KANSL2: variants seen among roughly 807,000 people sequenced by gnomAD.
The protein encoded by KANSL2 is KAT8 regulatory NSL complex subunit 2.
In KANSL2, 34 loss-of-function variants were observed where a neutral mutation model predicts 55.6. That is an observed-to-expected ratio of 0.61 (90% CI 0.46 to 0.81). KANSL2 has a LOEUF of 0.81. Among genes scored for constraint, KANSL2 ranks in the 40% least tolerant of loss-of-function variants. The pLI, the probability that KANSL2 is intolerant of heterozygous loss-of-function variation, is 0.00. For missense variants in KANSL2, 502 were observed against 609.9 expected, an observed-to-expected ratio of 0.82 and a Z score of 1.86; for synonymous variants, 209 against 214.3, an observed-to-expected ratio of 0.98 and a Z score of 0.22.
At chr12:48,663,036 C>T (rs1939517623) in intron 7 of KANSL2, among the ~76,000 whole-genome samples, 1 of 152,172 alleles carries the variant, frequency 6.6e-6, no homozygotes, top group Non-Finnish European at 1.5e-5. Context: ...ATGTCACTAT[C>T]ATTTTGCTGT....
chr12:48,681,750 A>G, intron 1 of KANSL2, 109 bp from the exon 2 acceptor site: 1 of 1,411,400 alleles, frequency 7.1e-7, no homozygotes, highest in Non-Finnish European at 9.9e-7. Flanking sequence ...CGTCCCCGTA[A>G]GGTACGCTCC....
chr12:48,655,251 C>T (rs1342618881), intron 8 of KANSL2, among the ~76,000 whole-genome samples, 191 bp from the exon 9 acceptor site: 1 of 152,018 alleles, frequency 6.6e-6, no homozygotes, highest in Non-Finnish European at 1.5e-5. Context: ...CTTTTGCTGC[C>T]AAGTGTAAAA....
intron 1 of KANSL2, 128 bp from the exon 2 acceptor site, chr12:48,681,769 C>T (rs1939930897): frequency 1.7e-6 from 2 of 1,156,902 alleles, no homozygotes; most frequent in Non-Finnish European, 2.5e-6. Flanking sequence ...CCGTAAGTCC[C>T]CGCCGCCCTC....
intron 7 of KANSL2, chr12:48,667,346 T>C (rs1939619778): frequency 3.3e-6 from 1 of 305,270 alleles, no homozygotes; most frequent in African/African-American, 2.2e-5. Context: ...AGGATCCTAA[T>C]AAGCAAGTTA....
intron 8 of KANSL2, among the ~76,000 whole-genome samples, chr12:48,657,704 C>A (rs1021040854): frequency 2.6e-5 from 4 of 152,108 alleles, no homozygotes; most frequent in African/African-American, 9.6e-5. Context: ...GCAACCTCCA[C>A]CTCCTGGGTT....
At position 48,660,484 on chromosome 12, in the gene KANSL2, A is replaced by T. The variant is rs750339885; in HGVS notation, c.1109T>A (p.Met370Lys). 1 of 1,613,770 alleles carries T rather than the reference A, an allele frequency of 6.2e-7. No individual in the cohort carries two copies. Among genetic ancestry groups the T allele is most frequent in the East Asian group, 2.2e-5 (1 of 44,886 alleles). The change falls in exon 8 of 10, where the codon ATG becomes AAG. Residue 370 changes from methionine (M) to lysine (K), a missense_variant. By Grantham distance (95) the Met-to-Lys change is moderately conservative. Coordinates refer to ENST00000420613, the MANE Select transcript of KANSL2 (RefSeq NM_017822.4). ...AGACAGTACCTGCTCGGGCTTATAC[A>T]TCTGAGGAGGCAACTGGAAATGCAG... The part of the protein sequence containing the change: ...CPLHFQLPPQ[M>K]YKPEQVLSVP...
intron 7 of KANSL2, among the ~76,000 whole-genome samples, chr12:48,661,486 C>T (rs1345166409): frequency 2.0e-5 from 3 of 152,156 alleles, no homozygotes; most frequent in Non-Finnish European, 2.9e-5. Context: ...AATCTGTTAA[C>T]TACCTGGTTA....
intron 8 of KANSL2, among the ~76,000 whole-genome samples, chr12:48,657,157 C>A (rs1199534647): frequency 2.6e-5 from 4 of 152,052 alleles, no homozygotes. Context: ...CCAAGGTGGG[C>A]GGATCATGAG....
At chr12:48,681,685 A>G in intron 1 of KANSL2, 44 bp from the exon 2 acceptor site, 1 of 1,612,582 alleles carries the variant, frequency 6.2e-7, no homozygotes, top group Non-Finnish European at 8.5e-7. Flanking sequence ...ACCCTTCCCG[A>G]AAATTCCTGC....
chr12:48,663,548 A>G (rs1489895788), intron 7 of KANSL2, among the ~76,000 whole-genome samples: 3 of 148,180 alleles, frequency 2.0e-5, no homozygotes, highest in Admixed American at 2.0e-4. Flanking sequence ...CCCACAGACA[A>G]TAACACTTCC....
chr12:48,659,687 A>G (rs1405375769), intron 8 of KANSL2, among the ~76,000 whole-genome samples: 1 of 152,194 alleles, frequency 6.6e-6, no homozygotes, highest in Non-Finnish European at 1.5e-5. Flanking sequence ...ACCGACAGAA[A>G]CTCTGTCTCA....
At chr12:48,661,291 AAG>A in intron 7 of KANSL2, 1 of 743,194 alleles carries the variant, frequency 1.3e-6, no homozygotes, top group Non-Finnish European at 1.6e-6. Context: ...TGAAAAAAAA[AAG>A]TATTCTAGAA....
chr12:48,668,143 T>C (rs1222399985), intron 6 of KANSL2, among the ~76,000 whole-genome samples: 3 of 152,144 alleles, frequency 2.0e-5, no homozygotes, highest in Non-Finnish European at 4.4e-5. Context: ...GAAAAACAAA[T>C]TTAAGAATGA....
At chr12:48,659,962 A>G (rs1160281191) in intron 8 of KANSL2, among the ~76,000 whole-genome samples, 1 of 152,240 alleles carries the variant, frequency 6.6e-6, no homozygotes, top group African/African-American at 2.4e-5. Context: ...GACAAAAAGT[A>G]GATTCATCGT....
At chr12:48,656,128 G>C (rs1046087558) in intron 8 of KANSL2, among the ~76,000 whole-genome samples, 3 of 152,114 alleles carry the variant, frequency 2.0e-5, no homozygotes, top group Non-Finnish European at 4.4e-5. Flanking sequence ...CAGCCACAAA[G>C]CAAGCAAACA....
intron 4 of KANSL2, among the ~76,000 whole-genome samples, chr12:48,675,800 T>G (rs918272994): frequency 6.6e-6 from 1 of 152,194 alleles, no homozygotes; most frequent in African/African-American, 2.4e-5. Flanking sequence ...ATTAAAATTA[T>G]GTACTAATTC....
chr12:48,671,976 G>T lies in KANSL2; in HGVS notation c.546-14C>A. 6.5e-7 allele frequency: 1 copy of T among 1,546,614 alleles called. No individual in the cohort carries two copies. Among genetic ancestry groups the T allele is most frequent in the Non-Finnish European group, 8.7e-7 (1 of 1,143,150 alleles). On this transcript the variant is annotated splice_polypyrimidine_tract_variant and intron_variant, in intron 4 of 9. Transcript: ENST00000420613. ...ACACCAGCATGTCTGGAATAAAACA[G>T]AATTCAGCAAAGCATAAGAAAACAA... is the stretch of plus-strand genomic sequence containing the variant.
At chr12:48,656,955 G>C (rs1367645900) in intron 8 of KANSL2, among the ~76,000 whole-genome samples, 1 of 152,150 alleles carries the variant, frequency 6.6e-6, no homozygotes. Context: ...CTAGCTTCAC[G>C]AGAAGCTTAG....
Position 48,682,225 on chromosome 12 carries a change from C to G in KANSL2, c.-48G>C, listed in dbSNP as rs763885555. The G allele has an allele frequency of 2.0e-5, 13 of 641,726 alleles. No homozygotes were observed. Among genetic ancestry groups the G allele is most frequent in the African/African-American group, 2.0e-4 (11 of 55,356 alleles). 39.8% of individuals were successfully genotyped at this position (641,726 alleles called of 1,614,324 possible). ...CTGCGCCGCACTCTGCCGCGCCGCT[C>G]GCCCTTCTCTAGTGGCGCCAGCGGC... On this transcript the variant is annotated 5_prime_UTR_variant, in exon 1 of 10. Transcript: ENST00000420613.
Sources: gnomAD v4.1 joint callset for allele counts (sites outside exome capture counted in the v4.1 genomes callset) on GRCh38, gnomAD v4.1.1 for gene constraint, MANE v1.5 for transcripts, NCBI Gene and HGNC (gene_info 2026-07-23, HGNC 2026-07-21) for gene names.